The following RIC1 variants were observed in gnomAD, a reference collection of about 807,000 sequenced individuals.
RIC1 encodes RIC1 partner of RAB6A GEF complex.
In RIC1, 88 loss-of-function variants were observed where a neutral mutation model predicts 169.0. The observed-to-expected ratio is 0.52, with a 90% CI of 0.44 to 0.62. The LOEUF is 0.62. Among genes scored for constraint, RIC1 ranks in the 20% least tolerant of loss-of-function variants. The probability of loss-of-function intolerance (pLI) is 0.00; values close to 1 mark genes in which losing one functional copy is unlikely to be tolerated. For missense variants in RIC1, 1,877 were observed against 1,725.5 expected (o/e 1.09, Z -1.56); for synonymous variants, 790 against 601.5 (o/e 1.31, Z -4.59).
At chr9:5,675,006 C>T (rs1183431514) in intron 2 of RIC1, among the ~76,000 whole-genome samples, 1 of 152,152 alleles carries the variant, frequency 6.6e-6, no homozygotes, top group Non-Finnish European at 1.5e-5. Flanking sequence ...CTTTTTAATT[C>T]TCAGCAAGGC....
intron 7 of RIC1, among the ~76,000 whole-genome samples, chr9:5,737,840 GATT>G (rs578227892): frequency 1.2e-3 from 187 of 151,540 alleles, no homozygotes; most frequent in African/African-American, 3.9e-3. Flanking sequence ...TAAGAGAAAA[GATT>G]ATTAAGAAAA....
At chr9:5,699,441 A>G (rs1822092613) in intron 3 of RIC1, among the ~76,000 whole-genome samples, 2 of 151,628 alleles carry the variant, frequency 1.3e-5, no homozygotes, top group Non-Finnish European at 2.9e-5. Flanking sequence ...TAGTGGGTAA[A>G]TGTTTTTATT....
At chr9:5,698,102 C>T (rs1461523222) in intron 3 of RIC1, among the ~76,000 whole-genome samples, 1 of 152,126 alleles carries the variant, frequency 6.6e-6, no homozygotes, top group Non-Finnish European at 1.5e-5. Context: ...GGTTATTTGC[C>T]ACATTATTCT....
In RIC1 at chr9:5,763,949, T is replaced by C. The variant is rs1435708223; in HGVS notation, c.2841+81T>C. On this transcript the variant is annotated intron_variant, in intron 19 of 25. Coordinates refer to ENST00000414202, the MANE Select transcript of RIC1 (RefSeq NM_020829.4). The surrounding 1 kb of genome is among the most constrained non-coding windows in gnomAD (Gnocchi z 5.2). ...ATAGAAATGTCCTGTTTTGACACCA[T>C]GATTGTGTTTAAGGAATTCATAGTC... is the stretch of plus-strand genomic sequence containing the variant. 59 of 1,441,796 alleles carry C rather than the reference T, an allele frequency of 4.1e-5. No homozygotes were observed. In the East Asian group the frequency reaches 1.3e-3, roughly 33 times the overall value. The allele number at this position is 1,441,796 out of a possible 1,614,324, so 89.3% of individuals were successfully genotyped here.
chr9:5,661,646 G>A (rs1056780901), intron 2 of RIC1, among the ~76,000 whole-genome samples: 2 of 152,116 alleles, frequency 1.3e-5, no homozygotes, highest in Non-Finnish European at 2.9e-5. Context: ...GCCTGTTGAT[G>A]TATAAGAATG....
At chr9:5,737,430 C>A (rs971895876) in intron 7 of RIC1, among the ~76,000 whole-genome samples, 1 of 151,936 alleles carries the variant, frequency 6.6e-6, no homozygotes, top group Non-Finnish European at 1.5e-5. Flanking sequence ...TCCTGTTTAC[C>A]CCTCTTCTTT....
At chr9:5,709,899 C>T (rs1231754656) in intron 3 of RIC1, among the ~76,000 whole-genome samples, 1 of 152,092 alleles carries the variant, frequency 6.6e-6, no homozygotes, top group Non-Finnish European at 1.5e-5. Flanking sequence ...TCTTGTAATA[C>T]TTTAGTTGTA....
chr9:5,675,214 G>A (rs1366941552), intron 2 of RIC1, among the ~76,000 whole-genome samples: 1 of 151,918 alleles, frequency 6.6e-6, no homozygotes, highest in Non-Finnish European at 1.5e-5. Flanking sequence ...TGGGCGAGTG[G>A]TTTGGCGGGA....
Position 5,718,470 on chromosome 9 carries a change from C to G in RIC1, c.441-1712C>G, listed in dbSNP as rs930339893. Reference sequence around the variant, plus strand: ...TTAGTCATTTACAGCATTTATAAAACAATACAGTAAGGAAGAAAGCTAATC... The same window carrying G: ...TTAGTCATTTACAGCATTTATAAAAGAATACAGTAAGGAAGAAAGCTAATC... On this transcript the variant is annotated intron_variant, in intron 4 of 25. Coordinates refer to ENST00000414202, the MANE Select transcript of RIC1 (RefSeq NM_020829.4). Among the ~76,000 whole-genome samples the G allele has an allele frequency of 4.6e-5, 7 of 152,146 alleles. No homozygotes were observed. In the South Asian group the frequency reaches 1.0e-3, roughly 23 times the overall value.
In RIC1 at chr9:5,775,454, TG is replaced by T. The variant is rs1365263640; in HGVS notation, c.*1209del. 1 of 152,222 alleles carries T rather than the reference TG, an allele frequency of 6.6e-6. No homozygotes were observed. Among genetic ancestry groups the T allele is most frequent in the African/African-American group, 2.4e-5 (1 of 41,466 alleles). 9.4% of individuals were successfully genotyped at this position (152,222 alleles called of 1,614,324 possible). A position where few individuals can be genotyped will look rare whatever the true frequency, so the allele number is the denominator to read the frequency against. On this transcript the variant is annotated 3_prime_UTR_variant, in exon 26 of 26. Transcript: ENST00000414202. ...ACCTTATAACAGTATTAAGACAGCT[TG>T]TTTGTACTGTGCAATTTGAACAAGG...
At chr9:5,769,814 A>G in intron 22 of RIC1, 1 of 343,706 alleles carries the variant, frequency 2.9e-6, no homozygotes, top group East Asian at 5.1e-5. Flanking sequence ...GAGCCAAAGC[A>G]AATCACTTAG....
At chr9:5,762,888 C>G (rs1257423171) in intron 18 of RIC1, among the ~76,000 whole-genome samples, 1 of 152,118 alleles carries the variant, frequency 6.6e-6, no homozygotes, top group Non-Finnish European at 1.5e-5. Context: ...AGGCATCATT[C>G]ATTGCAAATT....
chr9:5,679,864 C>A (rs1286652843), intron 2 of RIC1, among the ~76,000 whole-genome samples: 2 of 152,102 alleles, frequency 1.3e-5, no homozygotes, highest in Admixed American at 6.5e-5. Flanking sequence ...CTGGCCAGAA[C>A]TTCCAACACT....
At position 5,656,602 on chromosome 9, in the gene RIC1, C is replaced by A; in HGVS notation, c.164C>A (p.Thr55Asn). The A allele has an allele frequency of 6.3e-7, 1 of 1,599,268 alleles. No individual in the cohort carries two copies. Among genetic ancestry groups the A allele is most frequent in the East Asian group, 2.2e-5 (1 of 44,618 alleles). The change falls in exon 2 of 26, where the codon ACC becomes AAC. Residue 55 changes from threonine (T) to asparagine (N), a missense_variant. Around this residue, in one of 3 missense-constraint regions of RIC1, gnomAD observed 1,104 missense variants for 992.0 expected, o/e 1.11. Coordinates refer to ENST00000414202, the MANE Select transcript of RIC1 (RefSeq NM_020829.4). ...ACACAGCCTAGTGTGTTAATTGTAA[C>A]CTACAAGGAGCCTGCAAAATCATCT... ...WYSRPSVLIV[T>N]YKEPAKSSTQ... is the part of the protein sequence containing the mutation.
chr9:5,734,631 T>C (rs1202208078), intron 7 of RIC1, among the ~76,000 whole-genome samples: 3 of 152,076 alleles, frequency 2.0e-5, no homozygotes, highest in Admixed American at 6.5e-5. Flanking sequence ...GAAACACCCA[T>C]CTCTTCACAA....
chr9:5,661,519 G>A (rs1819450117), intron 2 of RIC1, among the ~76,000 whole-genome samples: 1 of 152,028 alleles, frequency 6.6e-6, no homozygotes. Flanking sequence ...TTGAAAGTTG[G>A]TTTGTAGTTC....
At chr9:5,724,863 T>G (rs1267794747) in intron 6 of RIC1, among the ~76,000 whole-genome samples, 1 of 152,240 alleles carries the variant, frequency 6.6e-6, no homozygotes, top group Non-Finnish European at 1.5e-5. Context: ...TTACCGTTAT[T>G]GATTTTCGTA....
At chr9:5,712,352 C>G (rs1822983368) in intron 3 of RIC1, among the ~76,000 whole-genome samples, 1 of 152,026 alleles carries the variant, frequency 6.6e-6, no homozygotes, top group Admixed American at 6.6e-5. Context: ...TTTCATGTGT[C>G]TGTTAAAGAG....
intron 17 of RIC1, among the ~76,000 whole-genome samples, chr9:5,758,898 C>A (rs542384733): frequency 2.0e-4 from 31 of 151,960 alleles, no homozygotes; most frequent in Non-Finnish European, 4.0e-4. Flanking sequence ...GTGCACGCCA[C>A]CACGCCCAGC....
Sources: gnomAD v4.1 joint callset for allele counts (sites outside exome capture counted in the v4.1 genomes callset) on GRCh38, gnomAD v4.1.1 for gene constraint, gnomAD v4.1.1 regional missense constraint, Gnocchi (gnomAD v3.1) non-coding constraint, MANE v1.5 for transcripts, NCBI Gene and HGNC (gene_info 2026-07-23, HGNC 2026-07-21) for gene names.